MTCL3: variants seen among roughly 807,000 people sequenced by gnomAD.
The protein encoded by MTCL3 is MTCL family member 3.
the MTCL3 span, chr6:127,515,756 T>A: frequency 1.2e-6 from 2 of 1,600,928 alleles, no homozygotes; most frequent in South Asian, 1.1e-5. The surrounding 1 kb of genome is among the most constrained non-coding windows in gnomAD (Gnocchi z 4.3). Context: ...CTGCGGCTAC[T>A]GCTGCCGCCG....
the MTCL3 span, chr6:127,482,786 TG>T: frequency 1.6e-6 from 1 of 616,586 alleles, no homozygotes; most frequent in South Asian, 2.9e-5. The surrounding 1 kb of genome is among the most constrained non-coding windows in gnomAD (Gnocchi z 4.1). Flanking sequence ...GCTACATAAT[TG>T]ATATGCAAAT....
At chr6:127,518,141 C>T in the MTCL3 span, among the ~76,000 whole-genome samples, 10 of 152,336 alleles carry the variant, frequency 6.6e-5, 1 homozygote, top group South Asian at 1.9e-3. Flanking sequence ...AAATTGCCCA[C>T]CAACTTGTTT....
the MTCL3 span, among the ~76,000 whole-genome samples, chr6:127,487,622 A>G: frequency 5.3e-4 from 80 of 152,306 alleles, no homozygotes; most frequent in African/African-American, 1.9e-3. Context: ...GAACAGGTGA[A>G]GTGCCCAGAG....
At chr6:127,497,062 C>T in the MTCL3 span, among the ~76,000 whole-genome samples, 2 of 152,120 alleles carry the variant, frequency 1.3e-5, no homozygotes, top group African/African-American at 4.8e-5. Flanking sequence ...TGAAGAATCT[C>T]ACTACTATGG....
chr6:127,490,551 G>A, the MTCL3 span, among the ~76,000 whole-genome samples: 1 of 151,846 alleles, frequency 6.6e-6, no homozygotes, highest in Non-Finnish European at 1.5e-5. Flanking sequence ...AGGCGCAGTG[G>A]CTCACGCCTG....
chr6:127,517,424 C>T, the MTCL3 span: 1 of 152,054 alleles, frequency 6.6e-6, no homozygotes, highest in Non-Finnish European at 1.5e-5. Context: ...CGTATTTTTT[C>T]CCTTTTGGGA....
the MTCL3 span, among the ~76,000 whole-genome samples, chr6:127,490,545 G>A: frequency 3.3e-5 from 5 of 151,728 alleles, no homozygotes; most frequent in Non-Finnish European, 7.4e-5. Flanking sequence ...TGGGCCAGGC[G>A]CAGTGGCTCA....
the MTCL3 span, chr6:127,475,871 C>G: frequency 6.2e-7 from 1 of 1,613,700 alleles, no homozygotes; most frequent in Non-Finnish European, 8.5e-7. This position sits in a 1 kb window ranked among gnomAD's most constrained non-coding sequence, Gnocchi z 7.3. Flanking sequence ...AGCTGCATGA[C>G]CTTGCCGCTG....
the MTCL3 span, among the ~76,000 whole-genome samples, chr6:127,478,241 T>A: frequency 6.6e-6 from 1 of 152,216 alleles, no homozygotes; most frequent in East Asian, 1.9e-4. Flanking sequence ...TTGGATTGTA[T>A]GGCCAATAGC....
the MTCL3 span, chr6:127,515,681 C>A: frequency 6.5e-7 from 1 of 1,537,898 alleles, no homozygotes; most frequent in Non-Finnish European, 8.7e-7. This position sits in a 1 kb window ranked among gnomAD's most constrained non-coding sequence, Gnocchi z 4.3. Flanking sequence ...GCCGCCGCCG[C>A]CATTGGGGAG....
the MTCL3 span, chr6:127,515,012 C>G: frequency 6.2e-7 from 1 of 1,614,136 alleles, no homozygotes; most frequent in Non-Finnish European, 8.5e-7. This position sits in a 1 kb window ranked among gnomAD's most constrained non-coding sequence, Gnocchi z 4.3. Flanking sequence ...TGTCCCTCAT[C>G]TCGTCCATCT....
chr6:127,495,381 G>C, the MTCL3 span, among the ~76,000 whole-genome samples: 1 of 152,072 alleles, frequency 6.6e-6, no homozygotes, highest in African/African-American at 2.4e-5. Context: ...GTGGTGACCA[G>C]AGTTCCTTAA....
At chr6:127,478,998 CAG>C in the MTCL3 span, among the ~76,000 whole-genome samples, 3 of 115,904 alleles carry the variant, frequency 2.6e-5, no homozygotes, top group African/African-American at 6.8e-5. Flanking sequence ...GCCTGGGTGA[CAG>C]AGAGAGACTC....
chr6:127,494,330 G>A, the MTCL3 span, among the ~76,000 whole-genome samples: 25 of 151,668 alleles, frequency 1.6e-4, no homozygotes, highest in Non-Finnish European at 3.4e-4. Flanking sequence ...CTTAACTCTA[G>A]AAAATATAAG....
At chr6:127,483,012 TG>T in the MTCL3 span, 13 of 1,521,284 alleles carry the variant, frequency 8.5e-6, no homozygotes, top group Non-Finnish European at 9.0e-6. Flanking sequence ...TATATTTAGT[TG>T]GATAAACTAT....
chr6:127,491,840 C>A, the MTCL3 span, among the ~76,000 whole-genome samples: 1 of 142,782 alleles, frequency 7.0e-6, no homozygotes, highest in Non-Finnish European at 1.5e-5. Flanking sequence ...CACTATACTC[C>A]AACCTAGGTG....
At chr6:127,487,793 T>C in the MTCL3 span, among the ~76,000 whole-genome samples, 2 of 152,228 alleles carry the variant, frequency 1.3e-5, no homozygotes, top group Admixed American at 1.3e-4. Context: ...AATCTTTCAG[T>C]GGCTTCCCAT....
the MTCL3 span, chr6:127,473,353 T>C: frequency 6.5e-7 from 1 of 1,545,470 alleles, no homozygotes; most frequent in South Asian, 1.3e-5. Flanking sequence ...ATGAAAATAA[T>C]ACAAGAATGA....
At chr6:127,484,715 G>C in the MTCL3 span, among the ~76,000 whole-genome samples, 1 of 152,152 alleles carries the variant, frequency 6.6e-6, no homozygotes, top group Non-Finnish European at 1.5e-5. Flanking sequence ...GATCTGTTCA[G>C]TCTGGAATTC....
Sources: gnomAD v4.1 joint callset for allele counts (sites outside exome capture counted in the v4.1 genomes callset) on GRCh38, gnomAD v4.1.1 for gene constraint, Gnocchi (gnomAD v3.1) non-coding constraint, MANE v1.5 for transcripts, NCBI Gene and HGNC (gene_info 2026-07-23, HGNC 2026-07-21) for gene names.